The following PCNX1 variants were observed in gnomAD, a reference collection of about 807,000 sequenced individuals.
PCNX1 encodes the protein pecanex 1, also known as pecanex-like protein 1.
In PCNX1, 78 loss-of-function variants were observed where a neutral mutation model predicts 242.2. The ratio of observed to expected loss-of-function variants is 0.32; its 90% CI spans 0.27 to 0.39. PCNX1 has a LOEUF of 0.39. PCNX1 is among the 10% of genes least tolerant of loss of function. The pLI is 1.00. For synonymous variants in PCNX1, 1,024 were observed against 1,032.9 expected (o/e 0.99, Z 0.17); for missense variants, 2,581 against 2,856.5 (o/e 0.90, Z 2.20).
intron 11 of PCNX1, among the ~76,000 whole-genome samples, chr14:71,013,736 A>AT (rs2059886187): frequency 6.6e-6 from 1 of 152,216 alleles, no homozygotes; most frequent in Non-Finnish European, 1.5e-5. Flanking sequence ...AAGGACAGTG[A>AT]TTCCTGAGAG....
chr14:71,070,588 A>G (rs1055274583), intron 26 of PCNX1, among the ~76,000 whole-genome samples: 1 of 152,222 alleles, frequency 6.6e-6, no homozygotes, highest in Non-Finnish European at 1.5e-5. Flanking sequence ...TGCATTGTCA[A>G]TGAGTAGTAA....
At chr14:70,999,680 A>G (rs1352401869) in intron 8 of PCNX1, among the ~76,000 whole-genome samples, 1 of 152,138 alleles carries the variant, frequency 6.6e-6, no homozygotes. Flanking sequence ...GTTAACTTGA[A>G]AATGTAGTTG....
At position 70,978,065 on chromosome 14, in the gene PCNX1, G is replaced by T. The variant is rs1414295943; in HGVS notation, c.1728G>T (p.Arg576=). The change falls in exon 6 of 36, where the codon CGG becomes CGT. Residue 576 remains arginine, a synonymous_variant. Transcript: ENST00000304743. ...KKRASSFDSS[R]HRDYVCFRGV... ...GGGCTAGCAGTTTTGATTCAAGCCG[G>T]CATAGGGACTATGTTTGCTTTCGAG... is the stretch of plus-strand genomic sequence containing the variant. 6.2e-7 allele frequency: 1 copy of T among 1,614,102 alleles called. No homozygotes were observed. Among genetic ancestry groups the T allele is most frequent in the Admixed American group, 1.7e-5 (1 of 60,024 alleles).
At chr14:71,013,787 A>G (rs1045741817) in intron 11 of PCNX1, among the ~76,000 whole-genome samples, 1 of 152,204 alleles carries the variant, frequency 6.6e-6, no homozygotes, top group Non-Finnish European at 1.5e-5. Flanking sequence ...GCCCCAGCTT[A>G]ATGCTTTGAG....
At chr14:71,020,070 A>G (rs140979918) in intron 12 of PCNX1, among the ~76,000 whole-genome samples, 4 of 152,082 alleles carry the variant, frequency 2.6e-5, no homozygotes, top group Non-Finnish European at 5.9e-5. Flanking sequence ...TCTGAGGATG[A>G]TGGTTTCCAC....
intron 1 of PCNX1, among the ~76,000 whole-genome samples, chr14:70,910,510 T>C (rs952031529): frequency 6.6e-6 from 1 of 152,044 alleles, no homozygotes; most frequent in African/African-American, 2.4e-5. Flanking sequence ...GTGCTTGCTT[T>C]TCCCTCTGTC....
At chr14:71,052,950 C>T (rs2061080187) in intron 24 of PCNX1, among the ~76,000 whole-genome samples, 1 of 152,124 alleles carries the variant, frequency 6.6e-6, no homozygotes, top group Non-Finnish European at 1.5e-5. Flanking sequence ...AATATAAACA[C>T]ATTGGTTTAG....
Position 71,029,739 on chromosome 14 carries a change from ATGTGT to A in PCNX1, c.3558+954_3558+958del, listed in dbSNP as rs1008468118. Among the ~76,000 whole-genome samples the A allele has an allele frequency of 4.6e-5, 7 of 152,248 alleles. No homozygotes were observed. In the East Asian group the frequency reaches 1.2e-3, roughly 25 times the overall value. On this transcript the variant is annotated intron_variant, in intron 16 of 35. Transcript: ENST00000304743. Reference sequence around the variant, plus strand: ...GAAGACCCATGGACTTGTAAAGAAAATGTGTTGTGTAGAGGAAATGGCAAATGATT... The same window carrying A: ...GAAGACCCATGGACTTGTAAAGAAAATGTGTAGAGGAAATGGCAAATGATT...
intron 3 of PCNX1, chr14:70,965,309 G>C (rs1361902536): frequency 6.6e-6 from 1 of 152,070 alleles, no homozygotes; most frequent in Non-Finnish European, 1.5e-5. Flanking sequence ...GTCTTATACT[G>C]AAAGAGATTG....
At position 70,930,389 on chromosome 14, in the gene PCNX1, C is replaced by T. The variant is rs10148594; in HGVS notation, c.154-16526C>T. 7.7e-3 allele frequency among the ~76,000 whole-genome samples: 1,173 copies of T among 152,146 alleles called. 8 individuals are homozygous for T. Among genetic ancestry groups the T allele is most frequent in the African/African-American group, 0.026 (1,084 of 41,492 alleles). On this transcript the variant is annotated intron_variant, in intron 1 of 35. Transcript: ENST00000304743. ...GAGTAATAGACTCAATCTCTGTTGC[C>T]GATGAGTTGCATGTGCTATGTTATT...
Position 71,114,142 on chromosome 14 carries a change from A to G in PCNX1, c.*4207A>G, listed in dbSNP as rs1275691361. ...TTCAGTCTTACATGGATATTGTTTC[A>G]TTGGTGTTGAGGAAGAAAAAAATTA... On this transcript the variant is annotated 3_prime_UTR_variant, in exon 36 of 36. Transcript: ENST00000304743. 6.6e-6 allele frequency: 1 copy of G among 152,170 alleles called. No individual in the cohort carries two copies. The highest frequency in any genetic ancestry group is 2.4e-5 in the African/African-American group (1 of 41,430). The allele number at this position is 152,170 out of a possible 1,614,324, so 9.4% of individuals were successfully genotyped here.
At chr14:71,058,409 C>G (rs898190861) in intron 26 of PCNX1, among the ~76,000 whole-genome samples, 1 of 152,170 alleles carries the variant, frequency 6.6e-6, no homozygotes, top group Admixed American at 6.5e-5. Context: ...TTTATGTTAT[C>G]AATTCCTGTA....
At chr14:71,017,020 A>C (rs964453297) in intron 11 of PCNX1, among the ~76,000 whole-genome samples, 1 of 152,228 alleles carries the variant, frequency 6.6e-6, no homozygotes, top group Non-Finnish European at 1.5e-5. Flanking sequence ...AAAGACGTAG[A>C]TTACCAACAT....
intron 8 of PCNX1, among the ~76,000 whole-genome samples, chr14:71,008,080 A>G (rs1014667306): frequency 5.9e-5 from 9 of 152,194 alleles, no homozygotes; most frequent in Non-Finnish European, 1.0e-4. Context: ...TATTCGACAA[A>G]AAAAAATGTG....
intron 1 of PCNX1, among the ~76,000 whole-genome samples, chr14:70,931,085 A>G (rs1276764588): frequency 6.6e-6 from 1 of 152,118 alleles, no homozygotes; most frequent in Non-Finnish European, 1.5e-5. Context: ...TGAGTACTAA[A>G]CCCTTCTTTC....
intron 1 of PCNX1, among the ~76,000 whole-genome samples, chr14:70,910,688 A>G (rs1311200133): frequency 3.3e-5 from 5 of 152,124 alleles, no homozygotes; most frequent in South Asian, 2.1e-4. Flanking sequence ...CCTAACTGAT[A>G]TCTATTTATT....
chr14:71,003,551 A>T (rs965687151), intron 8 of PCNX1, among the ~76,000 whole-genome samples: 3 of 152,206 alleles, frequency 2.0e-5, no homozygotes, highest in Admixed American at 1.3e-4. Flanking sequence ...ATTATAGATT[A>T]TTTTACCCAA....
chr14:70,962,411 G>A, intron 3 of PCNX1, 80 bp downstream of exon 3: 1 of 732,584 alleles, frequency 1.4e-6, no homozygotes, highest in East Asian at 2.5e-5. Flanking sequence ...CTTTAAGTCG[G>A]CTGATGTTTT....
At chr14:71,001,528 T>C (rs2059506115) in intron 8 of PCNX1, among the ~76,000 whole-genome samples, 1 of 152,216 alleles carries the variant, frequency 6.6e-6, no homozygotes, top group Non-Finnish European at 1.5e-5. Flanking sequence ...TTATTTCAAA[T>C]AGTTTTGGGT....
Sources: gnomAD v4.1 joint callset for allele counts (sites outside exome capture counted in the v4.1 genomes callset) on GRCh38, gnomAD v4.1.1 for gene constraint, MANE v1.5 for transcripts, NCBI Gene and HGNC (gene_info 2026-07-23, HGNC 2026-07-21) for gene names.